The following GALNT13 variants were observed in gnomAD, a reference collection of about 807,000 sequenced individuals.
GALNT13 encodes the protein UDP-GalNAc:polypeptide N-acetylgalactosaminyltransferase 13.
Under a neutral mutation model 64.2 loss-of-function variants are expected in GALNT13, and 28 were observed. The observed-to-expected ratio is 0.44, with a 90% CI of 0.32 to 0.60. The LOEUF (loss-of-function observed/expected upper bound fraction) is 0.60, where lower values mean the gene tolerates loss of function less well. Ranked by LOEUF, GALNT13 falls within the 20% of genes least tolerant of loss-of-function variation. The pLI is 0.05. For missense variants in GALNT13, 577 were observed against 669.8 expected, an observed-to-expected ratio of 0.86 and a Z score of 1.53; for synonymous variants, 214 against 224.6, an observed-to-expected ratio of 0.95 and a Z score of 0.42.
chr2:154,308,689 T>C (rs1045532347), intron 9 of GALNT13, among the ~76,000 whole-genome samples: 5 of 152,186 alleles, frequency 3.3e-5, no homozygotes, highest in African/African-American at 1.2e-4. Context: ...TTTTAATACA[T>C]GCTTTTTCAG....
intron 3 of GALNT13, among the ~76,000 whole-genome samples, chr2:154,082,308 T>C (rs1028113154): frequency 6.6e-6 from 1 of 151,746 alleles, no homozygotes; most frequent in Admixed American, 6.6e-5. Flanking sequence ...CTCTGTCTTA[T>C]GTGCCAGAGC....
the GALNT13 span, among the ~76,000 whole-genome samples, chr2:153,700,150 C>A: frequency 2.0e-5 from 3 of 152,178 alleles, no homozygotes; most frequent in Admixed American, 6.5e-5. Context: ...TCCACCACCA[C>A]CAAGTTGGCT....
the GALNT13 span, among the ~76,000 whole-genome samples, chr2:153,099,392 GC>G: frequency 6.6e-6 from 1 of 152,096 alleles, no homozygotes; most frequent in African/African-American, 2.4e-5. Context: ...AGGAGCTTGA[GC>G]TACACATAAC....
chr2:153,797,678 G>A, the GALNT13 span, among the ~76,000 whole-genome samples: 1 of 152,166 alleles, frequency 6.6e-6, no homozygotes, highest in Non-Finnish European at 1.5e-5. Context: ...CTTGTGATGA[G>A]AGGCTGGTAC....
At chr2:153,556,089 A>G in the GALNT13 span, among the ~76,000 whole-genome samples, 6 of 152,210 alleles carry the variant, frequency 3.9e-5, no homozygotes, top group Admixed American at 6.5e-5. Context: ...GCTTTCAGGC[A>G]TCTTTAATAT....
chr2:153,579,394 C>T, the GALNT13 span, among the ~76,000 whole-genome samples: 8 of 151,896 alleles, frequency 5.3e-5, no homozygotes, highest in African/African-American at 1.7e-4. Flanking sequence ...AGCCATCAGT[C>T]GAACTGAAGT....
the GALNT13 span, among the ~76,000 whole-genome samples, chr2:153,418,339 T>G: frequency 6.6e-6 from 1 of 152,198 alleles, no homozygotes; most frequent in Non-Finnish European, 1.5e-5. Context: ...AAACTCCTTT[T>G]GCAGTTTTGA....
the GALNT13 span, among the ~76,000 whole-genome samples, chr2:153,395,192 A>G: frequency 2.0e-4 from 31 of 152,266 alleles, no homozygotes; most frequent in African/African-American, 6.7e-4. Context: ...ACCATTTTCC[A>G]TGCAACATAA....
chr2:153,365,510 C>T, the GALNT13 span, among the ~76,000 whole-genome samples: 1 of 151,982 alleles, frequency 6.6e-6, no homozygotes, highest in Non-Finnish European at 1.5e-5. Context: ...AAAGGTCTAA[C>T]ATCCAGAGTC....
the GALNT13 span, among the ~76,000 whole-genome samples, chr2:153,323,703 A>G: frequency 0.024 from 3,613 of 152,316 alleles, 95 homozygotes; most frequent in East Asian, 0.084. Flanking sequence ...AATTTTCTGC[A>G]TATGGCTAGG....
chr2:153,499,225 G>C, the GALNT13 span, among the ~76,000 whole-genome samples: 1 of 152,186 alleles, frequency 6.6e-6, no homozygotes, highest in African/African-American at 2.4e-5. Context: ...AGGTGAAGAG[G>C]AGCTTCACTA....
chr2:153,182,082 C>T, the GALNT13 span, among the ~76,000 whole-genome samples: 19 of 151,146 alleles, frequency 1.3e-4, no homozygotes, highest in East Asian at 2.5e-3. Context: ...CTCGCTCTGT[C>T]GCCCAGGCTG....
the GALNT13 span, among the ~76,000 whole-genome samples, chr2:153,323,660 AT>A: frequency 6.6e-6 from 1 of 151,986 alleles, no homozygotes; most frequent in African/African-American, 2.4e-5. Flanking sequence ...TGAGTTAATT[AT>A]TGTATAAGGT....
chr2:153,519,424 C>G, the GALNT13 span, among the ~76,000 whole-genome samples: 1 of 152,256 alleles, frequency 6.6e-6, no homozygotes, highest in Admixed American at 6.5e-5. Flanking sequence ...CAGGATAGTA[C>G]AAGTATTCTT....
At chr2:154,229,582 A>T (rs1439512898) in intron 4 of GALNT13, among the ~76,000 whole-genome samples, 1 of 152,070 alleles carries the variant, frequency 6.6e-6, no homozygotes, top group Non-Finnish European at 1.5e-5. Flanking sequence ...AATATATAAA[A>T]TTTACTGGGA....
chr2:153,129,418 G>A, the GALNT13 span, among the ~76,000 whole-genome samples: 1 of 152,150 alleles, frequency 6.6e-6, no homozygotes, highest in African/African-American at 2.4e-5. Flanking sequence ...GGCCTGAAAT[G>A]CTTACCAGTA....
At chr2:153,869,900 A>G (rs752555239), upstream of GALNT13, among the ~76,000 whole-genome samples, 1 of 152,102 alleles carries the variant, frequency 6.6e-6, no homozygotes, top group Non-Finnish European at 1.5e-5. Flanking sequence ...AGTACTTCAC[A>G]TTGGAGCTTG....
chr2:154,394,253 T>C (rs1698954922), intron 9 of GALNT13, among the ~76,000 whole-genome samples: 1 of 152,112 alleles, frequency 6.6e-6, no homozygotes, highest in African/African-American at 2.4e-5. Flanking sequence ...ACCCAAGATC[T>C]GATTTTAAGT....
chr2:153,491,319 T>G, the GALNT13 span, among the ~76,000 whole-genome samples: 1 of 151,998 alleles, frequency 6.6e-6, no homozygotes, highest in African/African-American at 2.4e-5. Context: ...GAAATTTTAC[T>G]AAGAAACATA....
Sources: gnomAD v4.1 joint callset for allele counts (sites outside exome capture counted in the v4.1 genomes callset) on GRCh38, gnomAD v4.1.1 for gene constraint, MANE v1.5 for transcripts, NCBI Gene and HGNC (gene_info 2026-07-23, HGNC 2026-07-21) for gene names.